The following SGIP1 variants were observed in gnomAD, a reference collection of about 807,000 sequenced individuals.
The protein encoded by SGIP1 is SH3-containing GRB2-like protein 3-interacting protein 1.
A neutral mutation model predicts 107.5 loss-of-function variants in SGIP1; 38 were observed. That is an observed-to-expected ratio of 0.35 (90% CI 0.27 to 0.46). SGIP1 has a LOEUF of 0.46. SGIP1 is among the 20% of genes least tolerant of loss of function. The probability of loss-of-function intolerance (pLI) is 1.00; values close to 1 mark genes in which losing one functional copy is unlikely to be tolerated. For synonymous variants in SGIP1, 365 were observed against 366.1 expected (o/e 1.00, Z 0.03); for missense variants, 929 against 1,019.5 (o/e 0.91, Z 1.21).
chr1:66,607,230 A>G (rs1292804218), intron 1 of SGIP1, among the ~76,000 whole-genome samples: 1 of 152,218 alleles, frequency 6.6e-6, no homozygotes, highest in African/African-American at 2.4e-5. Context: ...ATATTTCAAA[A>G]ACGAAACACT....
At chr1:66,708,523 CT>C (rs2092685199) in intron 18 of SGIP1, among the ~76,000 whole-genome samples, 2 of 152,220 alleles carry the variant, frequency 1.3e-5, no homozygotes, top group Admixed American at 6.5e-5. Context: ...ATGACTTTGT[CT>C]TCTGTCTTAT....
intron 1 of SGIP1, among the ~76,000 whole-genome samples, chr1:66,555,355 C>A (rs57920818): frequency 6.6e-6 from 1 of 152,074 alleles, no homozygotes; most frequent in Non-Finnish European, 1.5e-5. Flanking sequence ...CCCACATCCA[C>A]CATCTTTATC....
At chr1:66,549,169 T>G (rs537403972) in intron 1 of SGIP1, among the ~76,000 whole-genome samples, 131 of 151,494 alleles carry the variant, frequency 8.6e-4, no homozygotes, top group African/African-American at 3.2e-3. Flanking sequence ...CTTCCTTCCT[T>G]CCTTCCTTCC....
intron 18 of SGIP1, among the ~76,000 whole-genome samples, chr1:66,706,451 T>C (rs1557697636): frequency 1.7e-5 from 2 of 115,688 alleles, no homozygotes; most frequent in East Asian, 4.3e-4. Context: ...TACACATTTA[T>C]ATATAATATA....
intron 1 of SGIP1, among the ~76,000 whole-genome samples, chr1:66,579,572 A>G (rs1206875923): frequency 6.6e-6 from 1 of 152,172 alleles, no homozygotes; most frequent in Non-Finnish European, 1.5e-5. Flanking sequence ...AGATCACATT[A>G]TTCGGATTCA....
At chr1:66,539,021 TTTCTC>T (rs1318362722) in intron 1 of SGIP1, among the ~76,000 whole-genome samples, 3 of 152,212 alleles carry the variant, frequency 2.0e-5, no homozygotes, top group African/African-American at 7.2e-5. Flanking sequence ...TGGCTTATCT[TTTCTC>T]AATTCAATTT....
Position 66,681,380 on chromosome 1 carries a change from A to T in SGIP1, c.815-489A>T, listed in dbSNP as rs2086657845. On this transcript the variant is annotated intron_variant, in intron 14 of 24. Coordinates refer to ENST00000371037, the MANE Select transcript of SGIP1 (RefSeq NM_032291.4). ...TTTCACCAAAGTCTTGATTTAATAT[A>T]CAAGAGTAGACAATCTTTATAAAAT... Among the ~76,000 whole-genome samples, 6 of 152,258 alleles carry T rather than the reference A, an allele frequency of 3.9e-5. No homozygotes were observed. The South Asian group carries it at 1.2e-3, about 31-fold the overall frequency.
chr1:66,631,081 AAGAAAGAAAG>A (rs2074520948), intron 2 of SGIP1, among the ~76,000 whole-genome samples: 1 of 143,244 alleles, frequency 7.0e-6, no homozygotes, highest in African/African-American at 2.5e-5. Flanking sequence ...GAAAGAAAGA[AAGAAAGAAAG>A]AAAGAAAGAA....
In SGIP1 at chr1:66,744,069, A is replaced by C. The variant is rs1346577625; in HGVS notation, c.*974A>C. On this transcript the variant is annotated 3_prime_UTR_variant, in exon 25 of 25. Coordinates refer to ENST00000371037, the MANE Select transcript of SGIP1 (RefSeq NM_032291.4). Reference sequence around the variant, plus strand: ...ATCCAGTATGGGGGAATGATACCTCACGTCTTCCTCTTTACCCACAGGAAT... The same window carrying C: ...ATCCAGTATGGGGGAATGATACCTCCCGTCTTCCTCTTTACCCACAGGAAT... 3 of 152,156 alleles carry C rather than the reference A, an allele frequency of 2.0e-5. No homozygotes were observed. Among genetic ancestry groups the C allele is most frequent in the African/African-American group, 4.8e-5 (2 of 41,452 alleles). The allele number at this position is 152,156 out of a possible 1,614,324, so 9.4% of individuals were successfully genotyped here. A position where few individuals can be genotyped will look rare whatever the true frequency, so the allele number is the denominator to read the frequency against.
At chr1:66,660,178 A>AGG (rs1491018827) in intron 7 of SGIP1, 3 of 167,064 alleles carry the variant, frequency 1.8e-5, no homozygotes, top group African/African-American at 1.2e-4. Context: ...AAAGAAAGAA[A>AGG]GAAAGAAAGA....
chr1:66,576,500 T>C (rs1014966887), intron 1 of SGIP1, among the ~76,000 whole-genome samples: 1 of 152,206 alleles, frequency 6.6e-6, no homozygotes, highest in African/African-American at 2.4e-5. Context: ...TACTGGCTCA[T>C]GGTAAGGATT....
intron 1 of SGIP1, among the ~76,000 whole-genome samples, chr1:66,549,144 TTCC>T (rs2056978599): frequency 1.5e-5 from 1 of 65,946 alleles, no homozygotes. Flanking sequence ...CCTGCCTTCC[TTCC>T]TTCCTTCCTT....
chr1:66,583,716 T>C (rs779438955), intron 1 of SGIP1, among the ~76,000 whole-genome samples: 7 of 152,132 alleles, frequency 4.6e-5, no homozygotes, highest in Non-Finnish European at 1.0e-4. Context: ...TTCTTCTGCA[T>C]ACTCCTTAGT....
rs548873249 is a variant in SGIP1 at position 66,722,418 on chromosome 1, C to T, written c.1742+3013C>T. Among the ~76,000 whole-genome samples, 9 of 152,254 alleles carry T rather than the reference C, an allele frequency of 5.9e-5. No homozygotes were observed. In the South Asian group the frequency reaches 1.7e-3, roughly 28 times the overall value. On this transcript the variant is annotated intron_variant, in intron 19 of 24. Coordinates refer to ENST00000371037, the MANE Select transcript of SGIP1 (RefSeq NM_032291.4). ...GTTGTTGTTGTCCATTATTTGTCTT[C>T]TCCCCCACTAGAATGTAAATACCAT... is the stretch of plus-strand genomic sequence containing the variant.
intron 7 of SGIP1, among the ~76,000 whole-genome samples, chr1:66,652,656 G>A (rs955515860): frequency 3.3e-5 from 5 of 151,214 alleles, no homozygotes; most frequent in Non-Finnish European, 7.4e-5. Context: ...TAGCCTGCCA[G>A]AGAGCAAAAT....
At chr1:66,623,657 T>G (rs2071800914) in intron 1 of SGIP1, among the ~76,000 whole-genome samples, 1 of 152,240 alleles carries the variant, frequency 6.6e-6, no homozygotes, top group South Asian at 2.1e-4. Flanking sequence ...GTATTTCATG[T>G]GTTAAAAACA....
intron 4 of SGIP1, 118 bp from the exon 5 acceptor site, chr1:66,639,659 C>T (rs955381636): frequency 1.0e-5 from 8 of 799,502 alleles, no homozygotes; most frequent in Non-Finnish European, 1.7e-5. Context: ...TCTAATATGT[C>T]TTTCCAGTGC....
intron 7 of SGIP1, among the ~76,000 whole-genome samples, chr1:66,658,651 A>G (rs2080263186): frequency 6.6e-6 from 1 of 152,244 alleles, no homozygotes; most frequent in Admixed American, 6.5e-5. Flanking sequence ...GAATCCATGC[A>G]TAGCCATTAC....
At chr1:66,653,036 A>G (rs988801426) in intron 7 of SGIP1, among the ~76,000 whole-genome samples, 1 of 152,174 alleles carries the variant, frequency 6.6e-6, no homozygotes, top group African/African-American at 2.4e-5. Context: ...CAAATCTTCC[A>G]CAGACATTGC....
Sources: allele counts gnomAD v4.1 joint callset (sites outside exome capture counted in the v4.1 genomes callset), GRCh38; gene constraint gnomAD v4.1.1; transcripts MANE v1.5; gene names NCBI Gene and HGNC (gene_info 2026-07-23, HGNC 2026-07-21).